Variants in CDK13 observed in about 807,000 individuals in gnomAD.
CDK13 encodes cyclin-dependent kinase 13.
CDK13 carries 40 observed loss-of-function variants against 137.6 expected under a neutral mutation model. The observed-to-expected ratio is 0.29, with a 90% confidence interval of 0.23 to 0.38. The LOEUF (loss-of-function observed/expected upper bound fraction) is 0.38. Ranked by LOEUF, CDK13 falls within the 10% of genes least tolerant of loss-of-function variation. The pLI, the probability that CDK13 is intolerant of heterozygous loss-of-function variation, is 1.00. For missense variants in CDK13, 1,704 were observed against 1,951.8 expected (o/e 0.87, Z 2.39); for synonymous variants, 869 against 760.1 (o/e 1.14, Z -2.36).
intron 9 of CDK13, among the ~76,000 whole-genome samples, chr7:40,066,126 G>A (rs551267391): frequency 2.6e-5 from 4 of 152,300 alleles, no homozygotes; most frequent in African/African-American, 9.6e-5. Flanking sequence ...AGGATTACTT[G>A]AGCCCAGGAA....
intron 1 of CDK13, among the ~76,000 whole-genome samples, chr7:39,963,403 A>G (rs1324555000): frequency 2.6e-5 from 4 of 151,798 alleles, no homozygotes; most frequent in African/African-American, 9.7e-5. Context: ...ATGGGAGTTC[A>G]CTCATGATTT....
At chr7:40,059,782 T>C (rs1179532813) in intron 7 of CDK13, among the ~76,000 whole-genome samples, 1 of 152,246 alleles carries the variant, frequency 6.6e-6, no homozygotes, top group African/African-American at 2.4e-5. Flanking sequence ...TTTTGTTTTA[T>C]AAAAAGTATG....
In CDK13 at chr7:39,951,255, G is replaced by T. The variant is rs2116059349; in HGVS notation, c.614G>T (p.Ser205Ile). The T allele has an allele frequency of 7.5e-7, 1 of 1,326,936 alleles. No individual in the cohort carries two copies. The highest frequency in any genetic ancestry group is 3.1e-5 in the East Asian group (1 of 32,038). The allele number at this position is 1,326,936 out of a possible 1,614,324, so 82.2% of individuals were successfully genotyped here. A position where few individuals can be genotyped will look rare whatever the true frequency, so the allele number is the denominator to read the frequency against. Residue 205 changes from serine (S) to isoleucine (I), a missense_variant, in exon 1 of 14, where the codon AGC (serine) becomes ATC (isoleucine). Coordinates refer to ENST00000181839, the MANE Select transcript of CDK13 (RefSeq NM_003718.5). ...ERRPRRDRRS[S>I]SGRSKERHRE... ...AGGCCCCGCCGGGACCGCCGCAGCA[G>T]CAGTGGCCGCAGCAAGGAGCGCCAC...
intron 5 of CDK13, among the ~76,000 whole-genome samples, chr7:40,021,421 A>G (rs576069427): frequency 6.6e-6 from 1 of 151,932 alleles, no homozygotes; most frequent in Admixed American, 6.6e-5. Context: ...GCTTGAATCC[A>G]AGAGGTGTAG....
At chr7:39,982,766 GTGA>G (rs2116242359) in intron 1 of CDK13, among the ~76,000 whole-genome samples, 1 of 152,326 alleles carries the variant, frequency 6.6e-6, no homozygotes, top group African/African-American at 2.4e-5. Context: ...CTGATGGCCA[GTGA>G]TGATGAGCAT....
In CDK13 at chr7:39,976,543, G is replaced by C. The variant is rs1784115761; in HGVS notation, c.1212-11056G>C. ...ATGCTTATAAATGTGAACCTGTGAG[G>C]GTTAGTGTGGTATACAGTCATGTCC... On this transcript the variant is annotated intron_variant, in intron 1 of 13. Transcript: ENST00000181839. Among the ~76,000 whole-genome samples, 3 of 151,972 alleles carry C rather than the reference G, an allele frequency of 2.0e-5. No homozygotes were observed. In the South Asian group the frequency reaches 6.3e-4, roughly 32 times the overall value.
chr7:39,980,337 A>G (rs1355003702), intron 1 of CDK13, among the ~76,000 whole-genome samples: 1 of 152,216 alleles, frequency 6.6e-6, no homozygotes, highest in Admixed American at 6.5e-5. Flanking sequence ...TGGTGAGAAT[A>G]GTATTTTGCG....
chr7:39,971,732 A>G (rs546923256), intron 1 of CDK13, among the ~76,000 whole-genome samples: 48 of 152,170 alleles, frequency 3.2e-4, no homozygotes, highest in African/African-American at 1.1e-3. Flanking sequence ...AAAATACAAA[A>G]ATTAGCCGGA....
At chr7:40,045,430 CTCTT>C (rs1260051476) in intron 5 of CDK13, among the ~76,000 whole-genome samples, 1 of 123,012 alleles carries the variant, frequency 8.1e-6, no homozygotes, top group African/African-American at 4.8e-5. Flanking sequence ...TTGGCCTGTA[CTCTT>C]TTTTTTTTTT....
intron 9 of CDK13, chr7:40,069,501 A>C (rs1786363186): frequency 3.1e-6 from 1 of 323,496 alleles, no homozygotes; most frequent in Non-Finnish European, 6.3e-6. Flanking sequence ...AGGACTGATA[A>C]CATGCTTAGG....
intron 7 of CDK13, among the ~76,000 whole-genome samples, chr7:40,059,017 A>G (rs113791549): frequency 0.022 from 3,348 of 152,242 alleles, 113 homozygotes; most frequent in African/African-American, 0.077. Flanking sequence ...GAAAAATGAA[A>G]CATTTTAGAG....
At chr7:40,086,673 TATG>T (rs1786793556) in intron 11 of CDK13, among the ~76,000 whole-genome samples, 1 of 152,220 alleles carries the variant, frequency 6.6e-6, no homozygotes, top group Non-Finnish European at 1.5e-5. Context: ...TGAGCCGCTC[TATG>T]CCAGGATTAC....
intron 3 of CDK13, chr7:39,998,522 G>T: frequency 6.7e-6 from 1 of 150,090 alleles, no homozygotes; most frequent in Non-Finnish European, 1.5e-5. Flanking sequence ...AGGAGGCTAA[G>T]GCAGGAGGAT....
intron 6 of CDK13, among the ~76,000 whole-genome samples, chr7:40,047,561 AATATT>A (rs1386422334): frequency 3.3e-5 from 5 of 151,940 alleles, no homozygotes; most frequent in East Asian, 1.9e-4. Context: ...ATACTATTCT[AATATT>A]ATAATACAGT....
At chr7:39,954,887 C>T (rs577634312) in intron 1 of CDK13, among the ~76,000 whole-genome samples, 2 of 152,290 alleles carry the variant, frequency 1.3e-5, no homozygotes, top group Admixed American at 1.3e-4. Flanking sequence ...CTCCCAAAGT[C>T]CAGGGATTAC....
intron 5 of CDK13, among the ~76,000 whole-genome samples, chr7:40,034,303 G>A (rs1785438763): frequency 6.6e-6 from 1 of 152,086 alleles, no homozygotes; most frequent in South Asian, 2.1e-4. Context: ...CTAATTTTGG[G>A]GGCAGTGGTT....
At chr7:39,989,918 G>T (rs1784423049) in intron 2 of CDK13, among the ~76,000 whole-genome samples, 1 of 141,924 alleles carries the variant, frequency 7.0e-6, no homozygotes, top group Non-Finnish European at 1.6e-5. Context: ...GAGTAGGTGG[G>T]ACTACAGGCG....
Position 39,950,399 on chromosome 7 carries a change from G to C in CDK13, c.-243G>C. The C allele has an allele frequency of 8.1e-7, 1 of 1,228,732 alleles. No homozygotes were observed. The highest frequency in any genetic ancestry group is 3.2e-5 in the East Asian group (1 of 31,046). 76.1% of individuals were successfully genotyped at this position (1,228,732 alleles called of 1,614,324 possible). On this transcript the variant is annotated 5_prime_UTR_variant, in exon 1 of 14. Coordinates refer to ENST00000181839, the MANE Select transcript of CDK13 (RefSeq NM_003718.5). ...CGCTGCCGAGGATAGGACGACGAGC[G>C]CAATCGGGAGCTCCGCCGCCCGGAT...
chr7:39,954,531 A>G (rs1258479734), intron 1 of CDK13, among the ~76,000 whole-genome samples: 1 of 152,186 alleles, frequency 6.6e-6, no homozygotes, highest in Non-Finnish European at 1.5e-5. Context: ...CACTCTTAAT[A>G]AATGTTGAAT....
Sources: allele counts gnomAD v4.1 joint callset (sites outside exome capture counted in the v4.1 genomes callset), GRCh38; gene constraint gnomAD v4.1.1; transcripts MANE v1.5; gene names NCBI Gene and HGNC (gene_info 2026-07-23, HGNC 2026-07-21).